The following PABPC4 variants were observed in gnomAD, a reference collection of about 807,000 sequenced individuals.
The protein encoded by PABPC4 is polyadenylate-binding protein 4.
PABPC4 carries 15 observed loss-of-function variants against 74.5 expected under a neutral mutation model. The observed-to-expected ratio is 0.20, with a 90% CI of 0.13 to 0.31. The LOEUF is 0.31. Among genes scored for constraint, PABPC4 ranks in the 10% least tolerant of loss-of-function variants. The pLI is 1.00. For synonymous variants in PABPC4, 345 were observed against 303.0 expected (o/e 1.14, Z -1.44); for missense variants, 610 against 853.5 (o/e 0.71, Z 3.55).
At chr1:39,565,515 A>T in intron 7 of PABPC4, 137 bp from the exon 8 acceptor site, 1 of 824,474 alleles carries the variant, frequency 1.2e-6, no homozygotes, top group Admixed American at 2.5e-5. Flanking sequence ...CAGCTTGAGC[A>T]ATGTAGTGAG....
intron 2 of PABPC4, 82 bp downstream of exon 2, chr1:39,572,311 C>A: frequency 9.1e-7 from 1 of 1,096,530 alleles, no homozygotes; most frequent in East Asian, 2.4e-5. Flanking sequence ...TCCCCAATTC[C>A]AAGATAGTTC....
At chr1:39,563,275 A>G (rs1440033967) in intron 12 of PABPC4, 1 of 257,142 alleles carries the variant, frequency 3.9e-6, no homozygotes, top group African/African-American at 2.2e-5. Context: ...TGTACCAATC[A>G]TCTTGCAGAG....
chr1:39,568,711 G>C (rs921360194), intron 6 of PABPC4, 91 bp downstream of exon 6: 5 of 1,220,190 alleles, frequency 4.1e-6, no homozygotes, highest in East Asian at 2.3e-5. Context: ...CACACTCCAA[G>C]TCCTCAAAAA....
At position 39,564,446 on chromosome 1, in the gene PABPC4, A is replaced by G. The variant is rs200535772; in HGVS notation, c.1430T>C (p.Leu477Pro). The change falls in exon 10 of 16, where the codon CTC becomes CCC. Residue 477 changes from leucine to proline, a missense_variant. Coordinates refer to ENST00000372858, the MANE Select transcript of PABPC4 (RefSeq NM_001135653.2). ...ACCGACTCTCTGAGTGGTAGTAGGG[A>G]GGCCACGAGAGGCCGGAGCATTACC... ...PTGNAPASRG[L>P]PTTTQRVGSE... The G allele has an allele frequency of 5.0e-6, 8 of 1,614,094 alleles. No individual in the cohort carries two copies. The highest frequency in any genetic ancestry group is 6.8e-6 in the Non-Finnish European group (8 of 1,180,038).
At chr1:39,561,516 CA>C (rs1395497949) in intron 15 of PABPC4, 168 bp downstream of exon 15, 2 of 603,418 alleles carry the variant, frequency 3.3e-6, no homozygotes, top group Non-Finnish European at 6.0e-6. Context: ...ACAAAGTCCA[CA>C]GTCCTCATGA....
intron 10 of PABPC4, 159 bp from the exon 11 acceptor site, chr1:39,564,081 C>A: frequency 1.5e-6 from 1 of 653,178 alleles, no homozygotes; most frequent in Non-Finnish European, 2.7e-6. Flanking sequence ...ACAACTCTTT[C>A]CACATCTTGG....
At chr1:39,567,879 C>G in intron 6 of PABPC4, 33 bp from the exon 7 acceptor site, 1 of 1,210,960 alleles carries the variant, frequency 8.3e-7, no homozygotes, top group Non-Finnish European at 1.2e-6. Context: ...AACTACACTT[C>G]TATATCACAA....
At position 39,569,855 on chromosome 1, in the gene PABPC4, C is replaced by T. The variant is rs754713627; in HGVS notation, c.643+8G>A. 5 of 1,613,734 alleles carry T rather than the reference C, an allele frequency of 3.1e-6. No individual in the cohort carries two copies. In the South Asian group the frequency reaches 5.5e-5, roughly 18 times the overall value. On this transcript the variant is annotated splice_region_variant and intron_variant, in intron 4 of 15. Coordinates refer to ENST00000372858, the MANE Select transcript of PABPC4 (RefSeq NM_001135653.2). Reference sequence around the variant, plus strand: ...GACTGTGAAAGGAGACAAGGAACCCCAACTTACCAAACTGACTGAATAGCT... The same window carrying T: ...GACTGTGAAAGGAGACAAGGAACCCTAACTTACCAAACTGACTGAATAGCT...
rs982761995 is a variant in PABPC4 at position 39,576,758 on chromosome 1, G to T, written c.-807C>A. The T allele has an allele frequency of 6.7e-6, 1 of 149,838 alleles. No homozygotes were observed. The highest frequency in any genetic ancestry group is 1.5e-5 in the Non-Finnish European group (1 of 67,268). 9.3% of individuals were successfully genotyped at this position (149,838 alleles called of 1,614,324 possible). A position where few individuals can be genotyped will look rare whatever the true frequency, so the allele number is the denominator to read the frequency against. Reference sequence around the variant, plus strand: ...TCCTCAGGCTGCGAAGCCCGAAAGCGGCGGAGGCGGCAGCGACCCGGGGCG... The same window carrying T: ...TCCTCAGGCTGCGAAGCCCGAAAGCTGCGGAGGCGGCAGCGACCCGGGGCG... On this transcript the variant is annotated 5_prime_UTR_variant, in exon 1 of 16. Transcript: ENST00000372858.
intron 5 of PABPC4, 66 bp downstream of exon 5, chr1:39,569,529 C>T (rs779807629): frequency 8.7e-7 from 1 of 1,149,588 alleles, no homozygotes; most frequent in Non-Finnish European, 1.3e-6. Context: ...TAGGTGCTAG[C>T]AAGACCCTAC....
intron 1 of PABPC4, among the ~76,000 whole-genome samples, chr1:39,573,388 G>A (rs1360254720): frequency 6.6e-6 from 1 of 152,200 alleles, no homozygotes; most frequent in Non-Finnish European, 1.5e-5. Context: ...CCCACCTTTT[G>A]AAGCCTTAAT....
In PABPC4 at chr1:39,576,220, G is replaced by A. The variant is rs1475157903; in HGVS notation, c.-269C>T. On this transcript the variant is annotated 5_prime_UTR_variant, in exon 1 of 16. Transcript: ENST00000372858. Reference sequence around the variant, plus strand: ...TTGCACTTCTCCGCGGTCCTGGTGCGAAGCTCCAAATTTCAAAAAATCAAA... The same window carrying A: ...TTGCACTTCTCCGCGGTCCTGGTGCAAAGCTCCAAATTTCAAAAAATCAAA... 7.9e-6 allele frequency: 3 copies of A among 377,836 alleles called. No homozygotes were observed. Among genetic ancestry groups the A allele is most frequent in the Non-Finnish European group, 1.4e-5 (3 of 212,818 alleles). The allele number at this position is 377,836 out of a possible 1,614,324, so 23.4% of individuals were successfully genotyped here. A position where few individuals can be genotyped will look rare whatever the true frequency, so the allele number is the denominator to read the frequency against.
chr1:39,575,058 C>T (rs1646004004), intron 1 of PABPC4, among the ~76,000 whole-genome samples: 1 of 152,168 alleles, frequency 6.6e-6, no homozygotes, highest in East Asian at 1.9e-4. Context: ...TGACAAATGA[C>T]ACCAGATTTT....
In PABPC4 at chr1:39,565,827, C is replaced by CCAAAACAAAA. The variant is rs60293495; in HGVS notation, c.973-459_973-450dup. ...TGGGCGACAGAGCGAGACTCCATCTCCAAAACAAAACAAAACAAAACAAAA... is the reference window on the plus strand; with the variant it reads ...TGGGCGACAGAGCGAGACTCCATCTCCAAAACAAAACAAAACAAAACAAAACAAAACAAAA... On this transcript the variant is annotated intron_variant, in intron 7 of 15. Transcript: ENST00000372858. Among the ~76,000 whole-genome samples the CCAAAACAAAA allele has an allele frequency of 8.8e-3, 1,299 of 148,290 alleles. 7 individuals carry two copies. Among genetic ancestry groups the CCAAAACAAAA allele is most frequent in the South Asian group, 0.037 (171 of 4,666 alleles).
chr1:39,569,987 G>C lies in PABPC4; in HGVS notation c.519C>G (p.Phe173Leu). The change falls in exon 4 of 16, where the codon TTC becomes TTG. Residue 173 changes from phenylalanine (F) to leucine (L), a missense_variant. Around this residue, in one of 4 missense-constraint regions of PABPC4, gnomAD observed 304 missense variants for 478.9 expected, o/e 0.63. Transcript: ENST00000372858. ...LNDRKVFVGRFKSRKEREAEL... is the reference protein window; with the variant it reads ...LNDRKVFVGRLKSRKEREAEL... ...CAGCTTCCCGCTCTTTGCGAGACTT[G>C]AATCTGCCCACAAATCTAAAATGAA... is the stretch of plus-strand genomic sequence containing the variant. 2 of 1,613,836 alleles carry C rather than the reference G, an allele frequency of 1.2e-6. No homozygotes were observed. The highest frequency in any genetic ancestry group is 1.7e-6 in the Non-Finnish European group (2 of 1,179,954).
intron 3 of PABPC4, 59 bp from the exon 4 acceptor site, chr1:39,570,061 G>A: frequency 2.0e-6 from 3 of 1,532,284 alleles, no homozygotes; most frequent in South Asian, 2.3e-5. Flanking sequence ...GATGTCCAGG[G>A]ACCCAAAGGA....
Position 39,560,992 on chromosome 1 carries a change from T to A in PABPC4, c.*144A>T, listed in dbSNP as rs1030224062. 1 of 379,472 alleles carries A rather than the reference T, an allele frequency of 2.6e-6. No homozygotes were observed. The highest frequency in any genetic ancestry group is 5.5e-6 in the Non-Finnish European group (1 of 181,016). The allele number at this position is 379,472 out of a possible 1,614,324, so 23.5% of individuals were successfully genotyped here. On this transcript the variant is annotated 3_prime_UTR_variant, in exon 16 of 16. Coordinates refer to ENST00000372858, the MANE Select transcript of PABPC4 (RefSeq NM_001135653.2). Reference sequence around the variant, plus strand: ...TTGAAAAATTCTAGGTGCTTCATAATTGACCTTTTGATACAAAATGACCTA... The same window carrying A: ...TTGAAAAATTCTAGGTGCTTCATAAATGACCTTTTGATACAAAATGACCTA...
At chr1:39,568,428 A>G (rs1387512986) in intron 6 of PABPC4, 9 of 186,684 alleles carry the variant, frequency 4.8e-5, no homozygotes, top group African/African-American at 2.1e-4. Flanking sequence ...CAGGATCATC[A>G]GTGCACTCAC....
At chr1:39,567,935 A>G (rs1022973726) in intron 6 of PABPC4, 89 bp from the exon 7 acceptor site, 1 of 702,480 alleles carries the variant, frequency 1.4e-6, no homozygotes, top group Admixed American at 2.6e-5. Flanking sequence ...CCAGACCAGG[A>G]GCACCAGCAT....
Sources: allele counts gnomAD v4.1 joint callset (sites outside exome capture counted in the v4.1 genomes callset), GRCh38; gene constraint gnomAD v4.1.1; regional missense constraint gnomAD v4.1.1; transcripts MANE v1.5; gene names NCBI Gene and HGNC (gene_info 2026-07-23, HGNC 2026-07-21).